Variants in CTNNA3 observed in about 807,000 individuals in gnomAD.
CTNNA3 encodes catenin alpha 3.
In CTNNA3, 76 loss-of-function variants were observed where a neutral mutation model predicts 95.7. That is an observed-to-expected ratio of 0.79 (90% CI 0.66 to 0.96). CTNNA3 has a LOEUF of 0.96. CTNNA3 is among the 40% of genes least tolerant of loss of function. The pLI, the probability that CTNNA3 is intolerant of heterozygous loss-of-function variation, is 0.00. For synonymous variants in CTNNA3, 431 were observed against 374.4 expected (o/e 1.15, Z -1.74); for missense variants, 1,191 against 1,089.8 (o/e 1.09, Z -1.31).
intron 9 of CTNNA3, among the ~76,000 whole-genome samples, chr10:66,707,764 T>C (rs1848162978): frequency 6.6e-6 from 1 of 152,110 alleles, no homozygotes; most frequent in Admixed American, 6.6e-5. Flanking sequence ...ATATTTCATG[T>C]GTCAGCTGGT....
intron 7 of CTNNA3, among the ~76,000 whole-genome samples, chr10:67,034,106 C>T (rs1280503212): frequency 6.6e-6 from 1 of 152,096 alleles, no homozygotes; most frequent in Non-Finnish European, 1.5e-5. Context: ...TAAGCTGACA[C>T]ATTGTTAGAA....
At chr10:67,382,623 G>A (rs143286398) in intron 5 of CTNNA3, among the ~76,000 whole-genome samples, 108 of 152,234 alleles carry the variant, frequency 7.1e-4, no homozygotes, top group Non-Finnish European at 2.4e-4. Context: ...ATTTATACAT[G>A]TATGTGTATA....
chr10:67,169,066 A>C (rs1388322359), intron 7 of CTNNA3, among the ~76,000 whole-genome samples: 1 of 152,226 alleles, frequency 6.6e-6, no homozygotes, highest in African/African-American at 2.4e-5. Context: ...AATGCTTATG[A>C]ACACAGCTTA....
intron 12 of CTNNA3, among the ~76,000 whole-genome samples, chr10:66,293,858 G>C (rs2091731858): frequency 6.6e-6 from 1 of 151,620 alleles, no homozygotes; most frequent in South Asian, 2.1e-4. Context: ...GTAGAGACGG[G>C]GTTTCAACAT....
chr10:66,375,379 T>C (rs1276563591), intron 12 of CTNNA3, among the ~76,000 whole-genome samples: 1 of 151,848 alleles, frequency 6.6e-6, no homozygotes, highest in Non-Finnish European at 1.5e-5. Context: ...CAAGGCTCAG[T>C]GAAAAAGAGG....
chr10:66,424,781 C>A (rs868004378), intron 11 of CTNNA3, among the ~76,000 whole-genome samples: 2 of 151,952 alleles, frequency 1.3e-5, no homozygotes, highest in Admixed American at 6.6e-5. Flanking sequence ...TTAATTAAGA[C>A]TTTGGGATGA....
At chr10:66,097,401 T>C (rs1217316072) in intron 14 of CTNNA3, among the ~76,000 whole-genome samples, 2 of 152,204 alleles carry the variant, frequency 1.3e-5, no homozygotes, top group Non-Finnish European at 2.9e-5. Context: ...TCACTTCCTA[T>C]GTGCCAGAAA....
intron 9 of CTNNA3, among the ~76,000 whole-genome samples, chr10:66,708,562 G>T: frequency 6.6e-6 from 1 of 152,018 alleles, no homozygotes; most frequent in African/African-American, 2.4e-5. Context: ...TCCAAGGAAG[G>T]TGCTAGGAGT....
intron 14 of CTNNA3, among the ~76,000 whole-genome samples, chr10:66,102,622 G>A (rs115373977): frequency 0.012 from 1,799 of 152,198 alleles, 36 homozygotes; most frequent in African/African-American, 0.041. Context: ...GCACTGGGTG[G>A]GAGTAAAGTG....
chr10:66,226,576 T>C (rs2089298534), intron 13 of CTNNA3, among the ~76,000 whole-genome samples: 1 of 109,944 alleles, frequency 9.1e-6, no homozygotes, highest in Admixed American at 1.1e-4. Context: ...TTTTTTTTCC[T>C]TTTTTTTTTT....
intron 16 of CTNNA3, among the ~76,000 whole-genome samples, chr10:65,973,005 A>G (rs976308766): frequency 6.6e-6 from 1 of 152,108 alleles, no homozygotes; most frequent in African/African-American, 2.4e-5. Context: ...TGGCACAAAA[A>G]CAGATACACA....
chr10:66,466,643 T>A (rs1838929505), intron 11 of CTNNA3, among the ~76,000 whole-genome samples: 1 of 152,052 alleles, frequency 6.6e-6, no homozygotes, highest in African/African-American at 2.4e-5. Context: ...AAGAGCACAC[T>A]CTTTCATTTC....
At chr10:66,332,794 A>C (rs2092346967) in intron 12 of CTNNA3, among the ~76,000 whole-genome samples, 1 of 152,060 alleles carries the variant, frequency 6.6e-6, no homozygotes. Flanking sequence ...ATAGTTTCAG[A>C]AGGAATGGTA....
At chr10:67,500,862 G>C (rs752082140) in intron 5 of CTNNA3, among the ~76,000 whole-genome samples, 6 of 152,126 alleles carry the variant, frequency 3.9e-5, no homozygotes, top group Non-Finnish European at 8.8e-5. Context: ...GTGTGCCTCT[G>C]CACGTGAGAT....
At chr10:67,386,320 C>G (rs1187535247) in intron 5 of CTNNA3, among the ~76,000 whole-genome samples, 1 of 152,124 alleles carries the variant, frequency 6.6e-6, no homozygotes, top group African/African-American at 2.4e-5. Flanking sequence ...CTGTTTTCAA[C>G]TACTTGGAAT....
At position 67,219,835 on chromosome 10, in the gene CTNNA3, T is replaced by G. The variant is rs1222747780; in HGVS notation, c.615A>C (p.Ala205=). Residue 205 remains alanine (A), a synonymous_variant, in exon 6 of 18, where the codon GCA becomes GCC. Transcript: ENST00000433211. ...LKSPNQRDEI[A]GARASLKENS... ...TCTCCTTCAGTGAAGCTCGGGCTCCTGCAATTTCATCTCTCTGATTTGGAG... is the reference window on the plus strand; with the variant it reads ...TCTCCTTCAGTGAAGCTCGGGCTCCGGCAATTTCATCTCTCTGATTTGGAG... 1 of 1,612,700 alleles carries G rather than the reference T, an allele frequency of 6.2e-7. No individual in the cohort carries two copies. Among genetic ancestry groups the G allele is most frequent in the East Asian group, 2.2e-5 (1 of 44,858 alleles).
chr10:67,555,943 A>G (rs1841227377), intron 3 of CTNNA3, among the ~76,000 whole-genome samples: 2 of 152,118 alleles, frequency 1.3e-5, no homozygotes, highest in East Asian at 1.9e-4. Flanking sequence ...TACCTAATTT[A>G]TTGAGAGTTT....
rs563107693 is a variant in CTNNA3, at chr10:67,078,577, T to C, written c.1047+101740A>G. On this transcript the variant is annotated intron_variant, in intron 7 of 17. Coordinates refer to ENST00000433211, the MANE Select transcript of CTNNA3 (RefSeq NM_013266.4). The stretch of plus-strand genomic sequence containing the variant: ...TGTCGCCCAGGCTGGAGTGCAGTGG[T>C]GCAATCTCGGCTCACTGCAACCTCC... 5.9e-5 allele frequency among the ~76,000 whole-genome samples: 9 copies of C among 152,092 alleles called. No homozygotes were observed. The South Asian group carries it at 8.3e-4, about 14-fold the overall frequency.
intron 15 of CTNNA3, among the ~76,000 whole-genome samples, chr10:66,047,885 A>T (rs1373850433): frequency 6.6e-6 from 1 of 152,150 alleles, no homozygotes; most frequent in Admixed American, 6.5e-5. Flanking sequence ...AATTGCCACA[A>T]AAAGAATAAA....
Sources: allele counts gnomAD v4.1 joint callset (sites outside exome capture counted in the v4.1 genomes callset), GRCh38; gene constraint gnomAD v4.1.1; transcripts MANE v1.5; gene names NCBI Gene and HGNC (gene_info 2026-07-23, HGNC 2026-07-21).